The following PRPF6 variants were observed in gnomAD, a reference collection of about 807,000 sequenced individuals.
PRPF6 encodes pre-mRNA-processing factor 6.
A neutral mutation model predicts 118.3 loss-of-function variants in PRPF6; 42 were observed. The observed-to-expected ratio is 0.35, with a 90% CI of 0.28 to 0.46. The LOEUF (loss-of-function observed/expected upper bound fraction) is 0.46. PRPF6 is among the 20% of genes least tolerant of loss of function. The probability of loss-of-function intolerance (pLI) is 1.00; values close to 1 mark genes in which losing one functional copy is unlikely to be tolerated. For synonymous variants in PRPF6, 481 were observed against 485.1 expected (o/e 0.99, Z 0.11); for missense variants, 662 against 1,255.7 (o/e 0.53, Z 7.15).
intron 9 of PRPF6, among the ~76,000 whole-genome samples, chr20:64,008,914 G>A (rs972579795): frequency 6.6e-6 from 1 of 152,174 alleles, no homozygotes; most frequent in Non-Finnish European, 1.5e-5. Flanking sequence ...TCATTGTCCA[G>A]TGGAAGTCTC....
chr20:63,985,096 G>C, intron 3 of PRPF6, 71 bp downstream of exon 3: 1 of 1,208,764 alleles, frequency 8.3e-7, no homozygotes, highest in Non-Finnish European at 1.2e-6. Flanking sequence ...AGGCGCAGTG[G>C]CTCACGTGTG....
In PRPF6 at chr20:64,007,455, CCTTTTCCT is replaced by C. The variant is rs1259032665; in HGVS notation, c.1187-2739_1187-2732del. ...CCCCGCCTCCCCTCCCCTGCCCTGC[CCTTTTCCT>C]CTTTTTTTTTTTTTTGAGACTGAGT... is the stretch of plus-strand genomic sequence containing the variant. On this transcript the variant is annotated intron_variant, in intron 9 of 20. Transcript: ENST00000266079. Among the ~76,000 whole-genome samples the C allele has an allele frequency of 6.6e-5, 9 of 136,208 alleles. No homozygotes were observed. In the South Asian group the frequency reaches 7.3e-4, roughly 11 times the overall value. 89.4% of individuals were successfully genotyped at this position (136,208 alleles called of 152,430 possible).
chr20:63,984,519 A>G (rs1387535523), intron 2 of PRPF6, among the ~76,000 whole-genome samples: 1 of 152,208 alleles, frequency 6.6e-6, no homozygotes, highest in Non-Finnish European at 1.5e-5. Context: ...GTCTTTCACC[A>G]AGCTTCTCCC....
intron 9 of PRPF6, among the ~76,000 whole-genome samples, chr20:64,001,604 G>A (rs947380188): frequency 3.9e-5 from 6 of 152,240 alleles, no homozygotes; most frequent in African/African-American, 1.4e-4. Flanking sequence ...GAAGAGCTGA[G>A]CCGGCACCTG....
Position 64,026,065 on chromosome 20 carries a change from A to G in PRPF6, c.2028+7A>G, listed in dbSNP as rs1601532219. 1.9e-6 allele frequency: 3 copies of G among 1,602,196 alleles called. No individual in the cohort carries two copies. The highest frequency in any genetic ancestry group is 2.2e-5 in the East Asian group (1 of 44,880). Reference sequence around the variant, plus strand: ...CAGTGCCCCCACCGCCCGGGTACGCAGTGGCAGGCAGGGCTGGGCCGTCTG... The same window carrying G: ...CAGTGCCCCCACCGCCCGGGTACGCGGTGGCAGGCAGGGCTGGGCCGTCTG... On this transcript the variant is annotated splice_region_variant and intron_variant, in intron 15 of 20. Coordinates refer to ENST00000266079, the MANE Select transcript of PRPF6 (RefSeq NM_012469.4). This position sits in a 1 kb window ranked among gnomAD's most constrained non-coding sequence, Gnocchi z 4.4.
intron 14 of PRPF6, 101 bp from the exon 15 acceptor site, chr20:64,025,838 A>G (rs2123094802): frequency 6.2e-7 from 1 of 1,601,758 alleles, no homozygotes; most frequent in East Asian, 2.2e-5. Flanking sequence ...TAGCAGAGCA[A>G]GGCCTGGCTC....
chr20:63,996,464 G>T (rs1038851725), intron 6 of PRPF6, among the ~76,000 whole-genome samples: 34 of 152,172 alleles, frequency 2.2e-4, no homozygotes, highest in Admixed American at 1.7e-3. Flanking sequence ...ACAGGCATGT[G>T]CCACCATACC....
At chr20:64,025,418 G>A (rs769500227) in intron 14 of PRPF6, among the ~76,000 whole-genome samples, 5 of 152,214 alleles carry the variant, frequency 3.3e-5, no homozygotes, top group East Asian at 1.9e-4. Flanking sequence ...CAGAGCCTGC[G>A]TGTCCACTGG....
At chr20:63,990,887 C>T (rs1214273823) in intron 3 of PRPF6, among the ~76,000 whole-genome samples, 1 of 151,908 alleles carries the variant, frequency 6.6e-6, no homozygotes, top group African/African-American at 2.4e-5. Context: ...AACTCCTGCC[C>T]TTGTGATCTG....
chr20:64,019,185 G>A (rs772346933), intron 12 of PRPF6, among the ~76,000 whole-genome samples: 18 of 142,020 alleles, frequency 1.3e-4, no homozygotes, highest in South Asian at 2.3e-4. Flanking sequence ...TGCAACCTCC[G>A]CCTCCCAGGT....
chr20:64,001,552 A>G (rs928846178), intron 9 of PRPF6, among the ~76,000 whole-genome samples: 1 of 152,172 alleles, frequency 6.6e-6, no homozygotes, highest in African/African-American at 2.4e-5. Flanking sequence ...GAACAACGGT[A>G]GCTCAAAGCC....
rs543794500 is a variant in PRPF6, at chr20:64,030,367, C to G, written c.2546+876C>G. The stretch of plus-strand genomic sequence containing the variant: ...CTGTGTCCGGCTTCCCCTCCACCTG[C>G]CCCGCCATGGGTCATGCAGAGACAA... On this transcript the variant is annotated intron_variant, in intron 19 of 20. Coordinates refer to ENST00000266079, the MANE Select transcript of PRPF6 (RefSeq NM_012469.4). 4.6e-5 allele frequency among the ~76,000 whole-genome samples: 7 copies of G among 152,334 alleles called. No individual in the cohort carries two copies. The South Asian group carries it at 1.4e-3, about 32-fold the overall frequency.
Position 64,028,271 on chromosome 20 carries a change from T to G in PRPF6, c.2340-207T>G, listed in dbSNP as rs1208456308. 6.6e-6 allele frequency among the ~76,000 whole-genome samples: 1 copy of G among 152,242 alleles called. No homozygotes were observed. ...CTGGACAGCGTCAGGATCTGAGGTC[T>G]TGCCTTGGGGCGGTTGCCAGTGGGG... On this transcript the variant is annotated intron_variant, in intron 17 of 20. Transcript: ENST00000266079. The surrounding 1 kb of genome is among the most constrained non-coding windows in gnomAD (Gnocchi z 6.5).
intron 6 of PRPF6, among the ~76,000 whole-genome samples, chr20:63,996,919 A>C (rs1163191528): frequency 2.0e-5 from 3 of 152,162 alleles, no homozygotes. Context: ...ACGGAGTGAG[A>C]CTGTCTCAAT....
At chr20:64,014,381 G>A (rs2059228253) in intron 11 of PRPF6, among the ~76,000 whole-genome samples, 1 of 152,072 alleles carries the variant, frequency 6.6e-6, no homozygotes, top group Non-Finnish European at 1.5e-5. Context: ...GAGGCTGGGT[G>A]CTGTGGCTCA....
chr20:63,985,521 G>C (rs908346363), intron 3 of PRPF6, among the ~76,000 whole-genome samples: 2 of 152,174 alleles, frequency 1.3e-5, no homozygotes, highest in African/African-American at 4.8e-5. Context: ...GGCTGCAGTG[G>C]AGAGCTTAAG....
intron 12 of PRPF6, among the ~76,000 whole-genome samples, chr20:64,019,101 T>TTG (rs1480811587): frequency 1.1e-3 from 161 of 149,474 alleles, no homozygotes; most frequent in African/African-American, 3.7e-3. Context: ...GGTTTTTTTT[T>TTG]TTTTTTTTTT....
chr20:63,996,669 G>A (rs1385729638), intron 6 of PRPF6, among the ~76,000 whole-genome samples: 1 of 152,180 alleles, frequency 6.6e-6, no homozygotes, highest in African/African-American at 2.4e-5. Flanking sequence ...ACTCATGCCT[G>A]TAATCCTAGC....
At position 63,995,445 on chromosome 20, in the gene PRPF6, A is replaced by G; in HGVS notation, c.734A>G (p.Gln245Arg). ...TGELDMRKIG[Q>R]ARNTLMDMRL... Reference sequence around the variant, plus strand: ...GAGCTGGACATGAGGAAGATTGGCCAAGCGAGGAACACTCTGATGGACATG... The same window carrying G: ...GAGCTGGACATGAGGAAGATTGGCCGAGCGAGGAACACTCTGATGGACATG... The change falls in exon 6 of 21, where the codon CAA becomes CGA. Residue 245 changes from glutamine (Q) to arginine (R), a missense_variant. Transcript: ENST00000266079. The G allele has an allele frequency of 6.2e-7, 1 of 1,614,168 alleles. No individual in the cohort carries two copies. Among genetic ancestry groups the G allele is most frequent in the Non-Finnish European group, 8.5e-7 (1 of 1,180,032 alleles).
Sources: gnomAD v4.1 joint callset for allele counts (sites outside exome capture counted in the v4.1 genomes callset) on GRCh38, gnomAD v4.1.1 for gene constraint, Gnocchi (gnomAD v3.1) non-coding constraint, MANE v1.5 for transcripts, NCBI Gene and HGNC (gene_info 2026-07-23, HGNC 2026-07-21) for gene names.